The following ARHGAP6 variants were observed in gnomAD, a reference collection of about 807,000 sequenced individuals.
The protein encoded by ARHGAP6 is Rho GTPase activating protein 6.
ARHGAP6 carries 16 observed loss-of-function variants against 55.7 expected under a neutral mutation model. That is an observed-to-expected ratio of 0.29 (90% CI 0.19 to 0.44). The LOEUF is 0.44. Among genes scored for constraint, ARHGAP6 ranks in the 20% least tolerant of loss-of-function variants. The pLI, the probability that ARHGAP6 is intolerant of heterozygous loss-of-function variation, is 1.00. For missense variants in ARHGAP6, 698 were observed against 808.9 expected (o/e 0.86, Z 1.66); for synonymous variants, 382 against 360.9 (o/e 1.06, Z -0.66).
intron 1 of ARHGAP6, among the ~76,000 whole-genome samples, chrX:11,514,404 A>G (rs192988985): frequency 1.3e-3 from 144 of 110,020 alleles, no homozygotes; most frequent in Middle Eastern, 9.2e-3. Context: ...TGGCCTGGAT[A>G]ATTCATTGTC....
intron 1 of ARHGAP6, among the ~76,000 whole-genome samples, chrX:11,359,024 A>C (rs757866180): frequency 6.2e-5 from 7 of 112,332 alleles, no homozygotes; most frequent in Non-Finnish European, 1.1e-4. Flanking sequence ...CTTGATTTAG[A>C]AGAATTCTGT....
intron 1 of ARHGAP6, among the ~76,000 whole-genome samples, chrX:11,523,081 T>C (rs2050950411): frequency 9.0e-6 from 1 of 111,666 alleles, no homozygotes; most frequent in East Asian, 2.8e-4. Flanking sequence ...TGGTTCAACA[T>C]ACACAAATCA....
At chrX:11,552,681 G>A (rs1191034175) in intron 1 of ARHGAP6, among the ~76,000 whole-genome samples, 1 of 96,585 alleles carries the variant, frequency 1.0e-5, no homozygotes, top group Non-Finnish European at 2.1e-5. Flanking sequence ...CAACAACACA[G>A]ATGAACCTGG....
chrX:11,177,002 C>A (rs2046235299), intron 8 of ARHGAP6, among the ~76,000 whole-genome samples: 1 of 112,367 alleles, frequency 8.9e-6, no homozygotes, highest in Non-Finnish European at 1.9e-5. Flanking sequence ...AGAAATTTGA[C>A]AAACACAGAA....
chrX:11,399,664 T>C (rs1270758375), intron 1 of ARHGAP6, among the ~76,000 whole-genome samples: 1 of 112,235 alleles, frequency 8.9e-6, no homozygotes, highest in Non-Finnish European at 1.9e-5. Flanking sequence ...GAAAACTGTC[T>C]GGCAGCTCTT....
At position 11,138,987 on chromosome X, in the gene ARHGAP6, G is replaced by A; in HGVS notation, c.2801C>T (p.Ala934Val). ...KKLSSANSLP[A>V]GEQDSPRLGD... ...CAGGCGCGGACTGTCCTGCTCGCCCGCTGGCAGGGAGTTGGCGCTGCTCAG... is the reference window on the plus strand; with the variant it reads ...CAGGCGCGGACTGTCCTGCTCGCCCACTGGCAGGGAGTTGGCGCTGCTCAG... Residue 934 changes from alanine to valine, a missense_variant, in exon 13 of 13, where the codon GCG becomes GTG. Ala to Val is a moderately conservative substitution (Grantham distance 64). Around this residue, in one of 3 missense-constraint regions of ARHGAP6, gnomAD observed 212 missense variants for 208.7 expected, o/e 1.02. Coordinates refer to ENST00000337414, the MANE Select transcript of ARHGAP6 (RefSeq NM_013427.3). The A allele has an allele frequency of 2.5e-6, 3 of 1,206,630 alleles. No individual in the cohort carries two copies. Among genetic ancestry groups the A allele is most frequent in the Non-Finnish European group, 3.4e-6 (3 of 893,812 alleles).
chrX:11,176,255 A>ATATATATATATATT (rs1555965242), intron 8 of ARHGAP6, among the ~76,000 whole-genome samples: 1 of 60,412 alleles, frequency 1.7e-5, no homozygotes, highest in Non-Finnish European at 3.0e-5. Flanking sequence ...ATATATATAT[A>ATATATATATATATT]TATATATATT....
chrX:11,616,026 G>A (rs933858527), intron 1 of ARHGAP6, among the ~76,000 whole-genome samples: 18 of 111,757 alleles, frequency 1.6e-4, no homozygotes, highest in Non-Finnish European at 7.5e-5. Flanking sequence ...AGTGTTGGAG[G>A]AGAAGCGTAG....
chrX:11,289,355 A>G (rs1406923438), intron 1 of ARHGAP6, among the ~76,000 whole-genome samples: 1 of 111,215 alleles, frequency 9.0e-6, no homozygotes, highest in Non-Finnish European at 1.9e-5. Context: ...GAGAAATATC[A>G]TACTCCAAAC....
chrX:11,517,533 G>A (rs1227559278), intron 1 of ARHGAP6, among the ~76,000 whole-genome samples: 1 of 111,404 alleles, frequency 9.0e-6, no homozygotes, highest in Admixed American at 9.6e-5. Flanking sequence ...TGTCTATTAA[G>A]AGAATGTTAA....
At chrX:11,593,449 T>C (rs1042242289) in intron 1 of ARHGAP6, among the ~76,000 whole-genome samples, 12 of 111,458 alleles carry the variant, frequency 1.1e-4, no homozygotes, top group Non-Finnish European at 1.9e-4. Flanking sequence ...GGAGGATGAG[T>C]AGGTGGAGTA....
At chrX:11,203,523 G>T (rs2046663225) in intron 2 of ARHGAP6, among the ~76,000 whole-genome samples, 1 of 111,722 alleles carries the variant, frequency 9.0e-6, no homozygotes, top group African/African-American at 3.3e-5. Context: ...TTAGATGGAG[G>T]CTGTTGTCCT....
intron 1 of ARHGAP6, among the ~76,000 whole-genome samples, chrX:11,634,998 A>G (rs1387456275): frequency 8.9e-6 from 1 of 112,292 alleles, no homozygotes; most frequent in Non-Finnish European, 1.9e-5. Flanking sequence ...TCAATTCCTT[A>G]AGAGTTATGA....
chrX:11,538,263 A>C (rs1164351994), intron 1 of ARHGAP6, among the ~76,000 whole-genome samples: 2 of 112,436 alleles, frequency 1.8e-5, no homozygotes, highest in Non-Finnish European at 1.9e-5. Context: ...TGAGAAAAAC[A>C]ATCAGTCATT....
intron 2 of ARHGAP6, among the ~76,000 whole-genome samples, chrX:11,238,876 G>T (rs1193798313): frequency 2.7e-5 from 3 of 111,780 alleles, no homozygotes; most frequent in Non-Finnish European, 3.8e-5. Context: ...CCCTGAACCA[G>T]AACACCCAAG....
At chrX:11,494,651 C>T (rs1332434024) in intron 1 of ARHGAP6, among the ~76,000 whole-genome samples, 2 of 112,054 alleles carry the variant, frequency 1.8e-5, no homozygotes, top group Non-Finnish European at 3.8e-5. Flanking sequence ...AGTAAGTTCA[C>T]CTCTGAGAGG....
intron 1 of ARHGAP6, among the ~76,000 whole-genome samples, chrX:11,344,689 A>AG (rs2048753451): frequency 9.8e-6 from 1 of 102,542 alleles, no homozygotes; most frequent in Non-Finnish European, 2.0e-5. Flanking sequence ...AAAAAAAAAA[A>AG]AAAAAAAAAA....
At chrX:11,226,765 C>A (rs2047056327) in intron 2 of ARHGAP6, among the ~76,000 whole-genome samples, 1 of 111,875 alleles carries the variant, frequency 8.9e-6, no homozygotes, top group African/African-American at 3.2e-5. Context: ...GTGTTGACTA[C>A]TGAGTATCTC....
chrX:11,184,602 C>T (rs1246594707), intron 5 of ARHGAP6, among the ~76,000 whole-genome samples: 1 of 112,142 alleles, frequency 8.9e-6, no homozygotes, highest in East Asian at 2.8e-4. Context: ...ATTACTGTGA[C>T]CTACTATTGA....
Sources: allele counts gnomAD v4.1 joint callset (sites outside exome capture counted in the v4.1 genomes callset), GRCh38; gene constraint gnomAD v4.1.1; regional missense constraint gnomAD v4.1.1; transcripts MANE v1.5; gene names NCBI Gene and HGNC (gene_info 2026-07-23, HGNC 2026-07-21).